The following ASAP2 variants were observed in gnomAD, a reference collection of about 807,000 sequenced individuals.
ASAP2 encodes the protein ArfGAP with SH3 domain, ankyrin repeat and PH domain 2.
Under a neutral mutation model 131.4 loss-of-function variants are expected in ASAP2, and 45 were observed. The ratio of observed to expected loss-of-function variants is 0.34; its 90% CI spans 0.27 to 0.44. ASAP2 has a LOEUF of 0.44. ASAP2 is among the 20% of genes least tolerant of loss of function. ASAP2 has a pLI of 1.00. For missense variants in ASAP2, 1,011 were observed against 1,297.0 expected, an observed-to-expected ratio of 0.78 and a Z score of 3.39; for synonymous variants, 510 against 503.0, an observed-to-expected ratio of 1.01 and a Z score of -0.19.
chr2:9,256,187 C>A (rs1006391092), intron 1 of ASAP2, among the ~76,000 whole-genome samples: 22 of 141,588 alleles, frequency 1.6e-4, no homozygotes, highest in African/African-American at 2.4e-4. Flanking sequence ...AAAAAGAAAG[C>A]AAGTAATTCT....
chr2:9,370,553 G>A (rs994728004), intron 16 of ASAP2, among the ~76,000 whole-genome samples: 16 of 152,146 alleles, frequency 1.1e-4, no homozygotes, highest in Non-Finnish European at 2.1e-4. Flanking sequence ...ATGGGACACC[G>A]GCAGATTGTT....
At chr2:9,221,666 AATTTGTTT>A (rs1161990523) in intron 1 of ASAP2, among the ~76,000 whole-genome samples, 2 of 152,124 alleles carry the variant, frequency 1.3e-5, no homozygotes, top group African/African-American at 4.8e-5. Flanking sequence ...CAATTTGCTG[AATTTGTTT>A]ATTGGCTTTT....
chr2:9,398,372 A>G (rs1676353053), intron 24 of ASAP2, among the ~76,000 whole-genome samples: 1 of 152,070 alleles, frequency 6.6e-6, no homozygotes, highest in Non-Finnish European at 1.5e-5. Context: ...TTAGCCAAGC[A>G]TGGTGGCGTG....
In ASAP2 at chr2:9,352,163, G is replaced by A. The variant is rs561167137; in HGVS notation, c.1111+1268G>A. On this transcript the variant is annotated intron_variant, in intron 12 of 27. Transcript: ENST00000281419. ...GGATCACCCAAGCTCAGGAGTAGAC[G>A]TCCAGCCTTGGTAACATAGCAAGAC... is the stretch of plus-strand genomic sequence containing the variant. 1.8e-4 allele frequency among the ~76,000 whole-genome samples: 27 copies of A among 151,974 alleles called. No individual in the cohort carries two copies. The South Asian group carries it at 5.2e-3, about 29-fold the overall frequency.
rs1196247168 is a variant in ASAP2, at chr2:9,398,669, C to T, written c.2685-1354C>T. On this transcript the variant is annotated intron_variant, in intron 24 of 27. Transcript: ENST00000281419. ...CTGAAAATACAAAAAATTTGCTGTG[C>T]GTGGTGGTGCACACCTGTAATTCCA... 2.6e-5 allele frequency among the ~76,000 whole-genome samples: 4 copies of T among 151,962 alleles called. No homozygotes were observed. In the South Asian group the frequency reaches 6.2e-4, roughly 24 times the overall value.
chr2:9,262,131 C>T (rs866130488), intron 1 of ASAP2, among the ~76,000 whole-genome samples: 6 of 151,972 alleles, frequency 3.9e-5, no homozygotes, highest in East Asian at 1.9e-4. Flanking sequence ...ATGATAGGCG[C>T]GTGCCATCAT....
In ASAP2 at chr2:9,317,429, CACAT is replaced by C; in HGVS notation, c.346-1092_346-1089del. Among the ~76,000 whole-genome samples the C allele has an allele frequency of 7.1e-5, 3 of 42,282 alleles. No homozygotes were observed. The Middle Eastern group carries it at 0.026, about 371-fold the overall frequency. The allele number at this position is 42,282 out of a possible 152,430, so 27.7% of individuals were successfully genotyped here. A position where few individuals can be genotyped will look rare whatever the true frequency, so the allele number is the denominator to read the frequency against. On this transcript the variant is annotated intron_variant, in intron 3 of 27. Coordinates refer to ENST00000281419, the MANE Select transcript of ASAP2 (RefSeq NM_003887.3). ...ACACACATGCTCCCTCACACACCTA[CACAT>C]ACTCACATTCTCACACACACATGTG...
At chr2:9,369,308 C>T (rs1205843018) in intron 16 of ASAP2, among the ~76,000 whole-genome samples, 4 of 152,078 alleles carry the variant, frequency 2.6e-5, no homozygotes, top group Non-Finnish European at 5.9e-5. Context: ...CGTGAGGCAC[C>T]GTGCCTGGCC....
At chr2:9,360,617 G>T (rs1180703445) in intron 15 of ASAP2, among the ~76,000 whole-genome samples, 1 of 152,088 alleles carries the variant, frequency 6.6e-6, no homozygotes, top group Non-Finnish European at 1.5e-5. Context: ...CTCCCACAAT[G>T]GCCAATTTCA....
At chr2:9,220,925 A>G (rs1662368956) in intron 1 of ASAP2, among the ~76,000 whole-genome samples, 1 of 152,114 alleles carries the variant, frequency 6.6e-6, no homozygotes, top group African/African-American at 2.4e-5. Flanking sequence ...TTCTTCTTGA[A>G]TTCTCTTGGC....
intron 3 of ASAP2, among the ~76,000 whole-genome samples, chr2:9,314,902 G>A (rs921533060): frequency 1.5e-5 from 2 of 137,712 alleles, no homozygotes; most frequent in African/African-American, 2.8e-5. Context: ...CTGCACTCCA[G>A]CCTGGGTGAG....
At chr2:9,397,908 G>T (rs11677445) in intron 24 of ASAP2, among the ~76,000 whole-genome samples, 1 of 149,312 alleles carries the variant, frequency 6.7e-6, no homozygotes, top group Non-Finnish European at 1.5e-5. Context: ...ACAGGCGCCC[G>T]CCACCACGCC....
rs79601624 is a variant in ASAP2 at position 9,222,663 on chromosome 2, C to T, written c.126+15433C>T. On this transcript the variant is annotated intron_variant, in intron 1 of 27. Transcript: ENST00000281419. ...ACTGGAGCATCGGGCTGTCAGAACCCGTAGCTTTGGTTTGCCTTGGTCGCA... is the reference window on the plus strand; with the variant it reads ...ACTGGAGCATCGGGCTGTCAGAACCTGTAGCTTTGGTTTGCCTTGGTCGCA... Among the ~76,000 whole-genome samples, 1,363 of 152,252 alleles carry T rather than the reference C, an allele frequency of 9.0e-3. 12 individuals carry two copies. Among genetic ancestry groups the T allele is most frequent in the Non-Finnish European group, 0.014 (950 of 68,016 alleles).
intron 1 of ASAP2, chr2:9,271,578 A>T (rs993937436): frequency 6.6e-7 from 1 of 1,515,676 alleles, no homozygotes; most frequent in Non-Finnish European, 9.1e-7. Flanking sequence ...CATCACCCTT[A>T]CTTGCATCAG....
chr2:9,238,210 G>A (rs1020644303), intron 1 of ASAP2, among the ~76,000 whole-genome samples: 2 of 152,190 alleles, frequency 1.3e-5, no homozygotes, highest in African/African-American at 4.8e-5. Flanking sequence ...TTGTATGCTG[G>A]TTCCTTGTAT....
chr2:9,320,630 T>C (rs1490945429), intron 5 of ASAP2, among the ~76,000 whole-genome samples: 1 of 152,238 alleles, frequency 6.6e-6, no homozygotes, highest in Non-Finnish European at 1.5e-5. Flanking sequence ...GAGGTATTTC[T>C]TTCTGTTTTT....
chr2:9,361,367 C>T (rs542073225), intron 15 of ASAP2, among the ~76,000 whole-genome samples: 10 of 152,152 alleles, frequency 6.6e-5, no homozygotes, highest in Non-Finnish European at 1.2e-4. Flanking sequence ...CATCTCCCCA[C>T]GGCTCCCCCA....
chr2:9,374,721 T>C, intron 16 of ASAP2, 34 bp from the exon 17 acceptor site: 3 of 1,558,388 alleles, frequency 1.9e-6, no homozygotes, highest in East Asian at 2.3e-5. Flanking sequence ...TAGAAGCCCT[T>C]CATGATTTGC....
chr2:9,251,048 T>C (rs1049352971), intron 1 of ASAP2, among the ~76,000 whole-genome samples: 3 of 152,156 alleles, frequency 2.0e-5, no homozygotes, highest in Non-Finnish European at 2.9e-5. Context: ...AGAGTTTGAA[T>C]TGGAGACAGA....
Sources: gnomAD v4.1 joint callset for allele counts (sites outside exome capture counted in the v4.1 genomes callset) on GRCh38, gnomAD v4.1.1 for gene constraint, MANE v1.5 for transcripts, NCBI Gene and HGNC (gene_info 2026-07-23, HGNC 2026-07-21) for gene names.